The following OPCML variants were observed in gnomAD, a reference collection of about 807,000 sequenced individuals.
OPCML encodes opioid binding protein/cell adhesion molecule like, also known as opioid-binding protein/cell adhesion molecule.
A neutral mutation model predicts 37.8 loss-of-function variants in OPCML; 13 were observed. The observed-to-expected ratio is 0.34, with a 90% CI of 0.22 to 0.55. The LOEUF (loss-of-function observed/expected upper bound fraction) is 0.55, where lower values mean the gene tolerates loss of function less well. Among genes scored for constraint, OPCML ranks in the 20% least tolerant of loss-of-function variants. The probability of loss-of-function intolerance (pLI) is 0.91; values close to 1 mark genes in which losing one functional copy is unlikely to be tolerated. For missense variants in OPCML, 341 were observed against 435.6 expected (o/e 0.78, Z 1.93); for synonymous variants, 176 against 168.8 (o/e 1.04, Z -0.33).
At chr11:133,392,153 C>G (rs1945186478) in intron 1 of OPCML, among the ~76,000 whole-genome samples, 2 of 152,098 alleles carry the variant, frequency 1.3e-5, no homozygotes, top group South Asian at 4.2e-4. Context: ...GTACTAGGCA[C>G]TTAACATGAA....
intron 1 of OPCML, chr11:133,420,400 C>G (rs1374038013): frequency 1.0e-6 from 1 of 985,306 alleles, no homozygotes; most frequent in Non-Finnish European, 1.2e-6. Flanking sequence ...TTTTAATTAA[C>G]TCTTTGTTCA....
At chr11:133,244,420 C>A (rs758976271) in intron 1 of OPCML, among the ~76,000 whole-genome samples, 6 of 152,018 alleles carry the variant, frequency 3.9e-5, no homozygotes, top group Admixed American at 1.3e-4. Flanking sequence ...ATTATCAAGA[C>A]CAATGAGTTA....
At chr11:133,248,755 G>A (rs1418267888) in intron 1 of OPCML, among the ~76,000 whole-genome samples, 4 of 152,206 alleles carry the variant, frequency 2.6e-5, no homozygotes, top group Non-Finnish European at 5.9e-5. Flanking sequence ...TGGAGTTGTG[G>A]TTGTGGTGGG....
intron 1 of OPCML, among the ~76,000 whole-genome samples, chr11:133,116,359 C>T (rs1374917804): frequency 2.0e-5 from 3 of 152,136 alleles, no homozygotes; most frequent in African/African-American, 7.2e-5. Flanking sequence ...AATTTCTATG[C>T]AAATCAATTT....
chr11:133,297,459 G>A (rs757212307), intron 1 of OPCML: 3 of 152,158 alleles, frequency 2.0e-5, no homozygotes, highest in African/African-American at 4.8e-5. Context: ...ACTACTACTA[G>A]AACATAGGCC....
intron 3 of OPCML, among the ~76,000 whole-genome samples, chr11:132,533,335 A>T (rs1015303339): frequency 3.3e-5 from 5 of 152,180 alleles, no homozygotes; most frequent in Non-Finnish European, 5.9e-5. Context: ...GATGGGTAAT[A>T]GCTAGGCAGA....
intron 2 of OPCML, among the ~76,000 whole-genome samples, chr11:132,809,004 T>C (rs187242167): frequency 6.6e-6 from 1 of 152,174 alleles, no homozygotes; most frequent in East Asian, 1.9e-4. Context: ...GGGTTGCTTT[T>C]TAAAAGTTTG....
At chr11:132,771,443 C>A (rs1591586943) in intron 2 of OPCML, among the ~76,000 whole-genome samples, 1 of 152,262 alleles carries the variant, frequency 6.6e-6, no homozygotes, top group South Asian at 2.1e-4. Context: ...TTAAATAGAC[C>A]AGTGACTTAC....
intron 1 of OPCML, among the ~76,000 whole-genome samples, chr11:133,054,226 C>G (rs1375684393): frequency 1.3e-5 from 2 of 152,218 alleles, no homozygotes; most frequent in Non-Finnish European, 2.9e-5. Flanking sequence ...TATACATTGA[C>G]AGATCAGCTC....
chr11:132,907,613 G>A (rs1233151427), intron 2 of OPCML, among the ~76,000 whole-genome samples: 3 of 147,540 alleles, frequency 2.0e-5, no homozygotes, highest in Non-Finnish European at 4.5e-5. Flanking sequence ...CCTGGTGACA[G>A]AGCGAAACTC....
chr11:132,870,559 C>T (rs886757257), intron 2 of OPCML, among the ~76,000 whole-genome samples: 3 of 152,016 alleles, frequency 2.0e-5, no homozygotes, highest in East Asian at 3.9e-4. Flanking sequence ...GGTATATGTC[C>T]AAAGAAAATG....
intron 3 of OPCML, among the ~76,000 whole-genome samples, chr11:132,609,779 G>A (rs1295571465): frequency 1.3e-5 from 2 of 152,100 alleles, no homozygotes; most frequent in African/African-American, 4.8e-5. Context: ...ATCATTGCAC[G>A]TGTTTACATT....
At chr11:133,049,204 C>T (rs1948082145) in intron 1 of OPCML, among the ~76,000 whole-genome samples, 2 of 152,126 alleles carry the variant, frequency 1.3e-5, no homozygotes, top group African/African-American at 4.8e-5. Flanking sequence ...CTATTAATTA[C>T]ATAAAAAGGA....
At chr11:133,252,258 C>T (rs1194094627) in intron 1 of OPCML, among the ~76,000 whole-genome samples, 2 of 152,112 alleles carry the variant, frequency 1.3e-5, no homozygotes, top group African/African-American at 4.8e-5. Flanking sequence ...ACCAGAAATA[C>T]GTACAGCACA....
chr11:133,384,472 A>T (rs1945002043), intron 1 of OPCML, among the ~76,000 whole-genome samples: 2 of 152,060 alleles, frequency 1.3e-5, no homozygotes, highest in Admixed American at 1.3e-4. Context: ...CCCTAATAAA[A>T]ATAAAGGGCC....
intron 2 of OPCML, among the ~76,000 whole-genome samples, chr11:132,714,423 C>T (rs1025407840): frequency 6.6e-6 from 1 of 152,170 alleles, no homozygotes; most frequent in Non-Finnish European, 1.5e-5. Flanking sequence ...AGAAAGTTCA[C>T]ACTTAAAACC....
At chr11:132,810,522 C>G (rs983045213) in intron 2 of OPCML, among the ~76,000 whole-genome samples, 3 of 152,086 alleles carry the variant, frequency 2.0e-5, no homozygotes, top group African/African-American at 7.2e-5. Flanking sequence ...GAAACCCCTT[C>G]TCTACTAAAA....
intron 2 of OPCML, among the ~76,000 whole-genome samples, chr11:132,756,535 TAA>T (rs1946054375): frequency 6.6e-6 from 1 of 152,226 alleles, no homozygotes; most frequent in Non-Finnish European, 1.5e-5. Flanking sequence ...GGAGAGCTCC[TAA>T]AAGAGTAACT....
At chr11:133,364,305 A>G (rs188112706) in intron 1 of OPCML, among the ~76,000 whole-genome samples, 2 of 152,354 alleles carry the variant, frequency 1.3e-5, no homozygotes, top group Admixed American at 1.3e-4. Flanking sequence ...CTGATGAAGT[A>G]GATATTAATA....
Sources: gnomAD v4.1 joint callset for allele counts (sites outside exome capture counted in the v4.1 genomes callset) on GRCh38, gnomAD v4.1.1 for gene constraint, MANE v1.5 for transcripts, NCBI Gene and HGNC (gene_info 2026-07-23, HGNC 2026-07-21) for gene names.